Variants in FAR2 observed in about 807,000 individuals in gnomAD.
FAR2 encodes the protein fatty acyl-CoA reductase 2, also known as epididymis secretory protein Li 81.
In FAR2, 19 loss-of-function variants were observed where a neutral mutation model predicts 56.0. The ratio of observed to expected loss-of-function variants is 0.34; its 90% CI spans 0.24 to 0.50. FAR2 has a LOEUF of 0.50. FAR2 is among the 20% of genes least tolerant of loss of function. The pLI is 0.98. For missense variants in FAR2, 508 were observed against 642.2 expected (o/e 0.79, Z 2.26); for synonymous variants, 219 against 218.8 (o/e 1.00, Z -0.01).
At chr12:29,269,242 G>A (rs905725354) in intron 1 of FAR2, among the ~76,000 whole-genome samples, 13 of 152,216 alleles carry the variant, frequency 8.5e-5, no homozygotes, top group South Asian at 6.2e-4. Flanking sequence ...CTCCAGGCGC[G>A]TATTCTCCTT....
At chr12:29,297,889 G>A (rs1267696390) in intron 4 of FAR2, among the ~76,000 whole-genome samples, 4 of 152,060 alleles carry the variant, frequency 2.6e-5, no homozygotes, top group African/African-American at 7.2e-5. Context: ...GGTGGCAGGC[G>A]CCTGTAATCC....
chr12:29,203,737 C>T (rs371675323), intron 1 of FAR2, among the ~76,000 whole-genome samples: 3 of 152,054 alleles, frequency 2.0e-5, no homozygotes, highest in East Asian at 1.9e-4. Flanking sequence ...CGGTGGCTCA[C>T]GCCTGTAATC....
intron 2 of FAR2, among the ~76,000 whole-genome samples, chr12:29,274,106 A>C (rs1487077787): frequency 4.0e-5 from 6 of 151,476 alleles, no homozygotes; most frequent in Non-Finnish European, 8.8e-5. Flanking sequence ...GGTTTGTTAC[A>C]TATGTATACG....
chr12:29,323,297 C>T (rs1010060619), intron 10 of FAR2, among the ~76,000 whole-genome samples: 1 of 152,234 alleles, frequency 6.6e-6, no homozygotes, highest in Non-Finnish European at 1.5e-5. Flanking sequence ...GGCCCGCCTG[C>T]CTCTGTAGGC....
chr12:29,250,755 G>A (rs1408883471), intron 1 of FAR2, among the ~76,000 whole-genome samples: 1 of 152,170 alleles, frequency 6.6e-6, no homozygotes, highest in Non-Finnish European at 1.5e-5. Context: ...CCTACATATA[G>A]TGAATGTGTT....
chr12:29,165,991 AT>A (rs527847664), intron 1 of FAR2, among the ~76,000 whole-genome samples: 10 of 152,364 alleles, frequency 6.6e-5, no homozygotes, highest in African/African-American at 2.4e-4. Flanking sequence ...AATTTCTTTC[AT>A]CAAAATTTCA....
intron 1 of FAR2, among the ~76,000 whole-genome samples, chr12:29,213,553 A>G (rs1176883295): frequency 6.6e-6 from 1 of 152,042 alleles, no homozygotes; most frequent in Non-Finnish European, 1.5e-5. Context: ...AACCGGGTGT[A>G]GTGGTGTACG....
chr12:29,208,540 A>G (rs1947503288), intron 1 of FAR2, among the ~76,000 whole-genome samples: 1 of 152,200 alleles, frequency 6.6e-6, no homozygotes, highest in South Asian at 2.1e-4. Flanking sequence ...TTCTATCATC[A>G]GATTTTACTC....
intron 1 of FAR2, among the ~76,000 whole-genome samples, chr12:29,166,838 A>C (rs1445214626): frequency 6.6e-6 from 1 of 152,036 alleles, no homozygotes; most frequent in Admixed American, 6.6e-5. Flanking sequence ...CTCCCCCTAT[A>C]GCTATGGTTC....
intron 1 of FAR2, among the ~76,000 whole-genome samples, chr12:29,213,692 A>G (rs1008381468): frequency 4.0e-5 from 6 of 151,110 alleles, no homozygotes; most frequent in African/African-American, 1.5e-4. Flanking sequence ...TCTGTCTCAA[A>G]AAAAAAAAAA....
At chr12:29,231,208 C>T (rs1947852551) in intron 1 of FAR2, among the ~76,000 whole-genome samples, 1 of 152,144 alleles carries the variant, frequency 6.6e-6, no homozygotes, top group African/African-American at 2.4e-5. Flanking sequence ...GGAAATACAA[C>T]AGTCCAGACA....
At chr12:29,322,188 A>G (rs1416637297) in intron 10 of FAR2, among the ~76,000 whole-genome samples, 1 of 152,180 alleles carries the variant, frequency 6.6e-6, no homozygotes, top group Non-Finnish European at 1.5e-5. Flanking sequence ...CTGCACTTCA[A>G]TCGTTTTGTC....
intron 1 of FAR2, among the ~76,000 whole-genome samples, chr12:29,197,596 T>C (rs926001914): frequency 6.6e-6 from 1 of 152,186 alleles, no homozygotes; most frequent in African/African-American, 2.4e-5. Flanking sequence ...TTTGATACTA[T>C]AGAGAAGGAT....
In FAR2 at chr12:29,270,513, C is replaced by A. The variant is rs1948597974; in HGVS notation, c.64C>A (p.Leu22Met). Residue 22 changes from leucine (L) to methionine (M), a missense_variant, in exon 2 of 12, where the codon CTG (leucine) becomes ATG (methionine). Coordinates refer to ENST00000536681, the MANE Select transcript of FAR2 (RefSeq NM_001271783.2). The part of the protein sequence containing the change: ...SILITGATGF[L>M]GKVLMEKLFR... Reference sequence around the variant, plus strand: ...TCTCATCACGGGGGCCACAGGCTTTCTGGGCAAAGTGCTGATGGAGAAGCT... The same window carrying A: ...TCTCATCACGGGGGCCACAGGCTTTATGGGCAAAGTGCTGATGGAGAAGCT... The A allele has an allele frequency of 6.2e-7, 1 of 1,613,060 alleles. No individual in the cohort carries two copies. Among genetic ancestry groups the A allele is most frequent in the South Asian group, 1.1e-5 (1 of 90,954 alleles).
chr12:29,276,802 T>C (rs1287926767), intron 2 of FAR2, among the ~76,000 whole-genome samples: 3 of 151,818 alleles, frequency 2.0e-5, no homozygotes, highest in East Asian at 1.9e-4. Flanking sequence ...TTTTAAGTTA[T>C]GGGGATGAGC....
chr12:29,266,253 A>C (rs904325800), intron 1 of FAR2, among the ~76,000 whole-genome samples: 1 of 152,234 alleles, frequency 6.6e-6, no homozygotes, highest in African/African-American at 2.4e-5. Context: ...ATTTGAAAAC[A>C]ATCCAAGTGT....
intron 10 of FAR2, among the ~76,000 whole-genome samples, chr12:29,331,160 TA>T (rs1231871194): frequency 6.6e-6 from 1 of 151,398 alleles, no homozygotes; most frequent in Non-Finnish European, 1.5e-5. Flanking sequence ...AAGTTAAGAG[TA>T]ACGAGCAACT....
At position 29,270,428 on chromosome 12, in the gene FAR2, C is replaced by A; in HGVS notation, c.-22C>A. ...CCTTTTCAGGAACCTCTTTCAGGAGCTATAAAAGAAAGGGAGGAATCATGT... is the reference window on the plus strand; with the variant it reads ...CCTTTTCAGGAACCTCTTTCAGGAGATATAAAAGAAAGGGAGGAATCATGT... On this transcript the variant is annotated 5_prime_UTR_variant, in exon 2 of 12. Transcript: ENST00000536681. 1 of 1,513,740 alleles carries A rather than the reference C, an allele frequency of 6.6e-7. No homozygotes were observed. The highest frequency in any genetic ancestry group is 8.9e-7 in the Non-Finnish European group (1 of 1,118,998). The allele number at this position is 1,513,740 out of a possible 1,614,324, so 93.8% of individuals were successfully genotyped here.
intron 1 of FAR2, among the ~76,000 whole-genome samples, chr12:29,211,815 C>T (rs571548521): frequency 1.3e-5 from 2 of 150,760 alleles, no homozygotes; most frequent in South Asian, 2.1e-4. Flanking sequence ...TAACTGTTGT[C>T]ACAGATATAA....
Sources: allele counts gnomAD v4.1 joint callset (sites outside exome capture counted in the v4.1 genomes callset), GRCh38; gene constraint gnomAD v4.1.1; transcripts MANE v1.5; gene names NCBI Gene and HGNC (gene_info 2026-07-23, HGNC 2026-07-21).